The following C1GALT1 variants were observed in gnomAD, a reference collection of about 807,000 sequenced individuals.
C1GALT1 encodes glycoprotein-N-acetylgalactosamine 3-beta-galactosyltransferase 1.
Under a neutral mutation model 31.0 loss-of-function variants are expected in C1GALT1, and 11 were observed. The ratio of observed to expected loss-of-function variants is 0.36; its 90% confidence interval spans 0.22 to 0.59. C1GALT1 has a LOEUF of 0.59. C1GALT1 is among the 20% of genes least tolerant of loss of function. The probability of loss-of-function intolerance (pLI) is 0.79; values close to 1 mark genes in which losing one functional copy is unlikely to be tolerated. For missense variants in C1GALT1, 424 were observed against 425.2 expected, an observed-to-expected ratio of 1.00 and a Z score of 0.03; for synonymous variants, 175 against 143.6, an observed-to-expected ratio of 1.22 and a Z score of -1.56.
chr7:7,205,308 C>T (rs748158070), intron 1 of C1GALT1, among the ~76,000 whole-genome samples: 1 of 152,128 alleles, frequency 6.6e-6, no homozygotes, highest in Non-Finnish European at 1.5e-5. Flanking sequence ...TACTAATAGA[C>T]TGCCGCTGGA....
chr7:7,176,851 G>A (rs1040863268), intron 2 of C1GALT1, among the ~76,000 whole-genome samples: 1 of 152,122 alleles, frequency 6.6e-6, no homozygotes. Flanking sequence ...TATACAGGGT[G>A]GCATTGTCAG....
At chr7:7,181,311 G>A (rs550062435), upstream of C1GALT1, among the ~76,000 whole-genome samples, 79 of 151,492 alleles carry the variant, frequency 5.2e-4, no homozygotes, top group African/African-American at 1.6e-3. Context: ...AAGTTGGGGA[G>A]GAGTAGAGAA....
At chr7:7,209,857 G>A (rs909714856) in intron 1 of C1GALT1, among the ~76,000 whole-genome samples, 11 of 152,144 alleles carry the variant, frequency 7.2e-5, no homozygotes, top group Non-Finnish European at 5.9e-5. Context: ...GGGTGGGGCC[G>A]TTTTATAAAA....
At position 7,238,690 on chromosome 7, in the gene C1GALT1, C is replaced by G. The variant is rs753756637; in HGVS notation, c.656C>G (p.Ala219Gly). 46 of 1,613,838 alleles carry G rather than the reference C, an allele frequency of 2.9e-5. 2 individuals are homozygous for G. In the South Asian group the frequency reaches 5.1e-4, roughly 18 times the overall value. Reference sequence around the variant, plus strand: ...GCAGGATATGTACTAAGCAAAGAAGCCTTGAAAAGATTTGTTGATGCATTT... The same window carrying G: ...GCAGGATATGTACTAAGCAAAGAAGGCTTGAAAAGATTTGTTGATGCATTT... ...GGAGYVLSKEALKRFVDAFKT... is the reference protein window; with the variant it reads ...GGAGYVLSKEGLKRFVDAFKT... Residue 219 changes from alanine to glycine, a missense_variant, in exon 3 of 4, where the codon GCC becomes GGC. By Grantham distance (60) the Ala-to-Gly change is moderately conservative. Transcript: ENST00000436587. This position sits in a 1 kb window ranked among gnomAD's most constrained non-coding sequence, Gnocchi z 5.2.
chr7:7,248,169 A>G lies in C1GALT1; in HGVS notation c.*4442A>G, dbSNP rs1386943605. On this transcript the variant is annotated 3_prime_UTR_variant, in exon 4 of 4. Transcript: ENST00000436587. ...GTTGATTTTTTAAAAATGTGTTTAT[A>G]TATAAGATTTGAAATAAAAACTTTA... 1 of 152,010 alleles carries G rather than the reference A, an allele frequency of 6.6e-6. No homozygotes were observed. Among genetic ancestry groups the G allele is most frequent in the Non-Finnish European group, 1.5e-5 (1 of 67,866 alleles). 9.4% of individuals were successfully genotyped at this position (152,010 alleles called of 1,614,324 possible).
intron 2 of C1GALT1, among the ~76,000 whole-genome samples, chr7:7,158,023 A>C (rs1477756296): frequency 6.6e-6 from 1 of 152,216 alleles, no homozygotes; most frequent in Non-Finnish European, 1.5e-5. Context: ...TTGCTGTTGC[A>C]TTAACTTAGC....
At chr7:7,235,440 C>T (rs1013227437) in intron 2 of C1GALT1, 2 of 152,100 alleles carry the variant, frequency 1.3e-5, no homozygotes, top group African/African-American at 4.8e-5. Flanking sequence ...CAAAGTATGT[C>T]GTGTTTTGTG....
intron 1 of C1GALT1, among the ~76,000 whole-genome samples, chr7:7,204,942 G>T (rs963379237): frequency 3.9e-5 from 6 of 152,060 alleles, no homozygotes; most frequent in Non-Finnish European, 5.9e-5. Flanking sequence ...TTTATTTGTG[G>T]CCTAACATGG....
At chr7:7,215,298 T>G (rs201014405) in intron 1 of C1GALT1, among the ~76,000 whole-genome samples, 8 of 152,188 alleles carry the variant, frequency 5.3e-5, no homozygotes, top group Non-Finnish European at 1.2e-4. Context: ...CCAGATTGTT[T>G]ATAACTGAAG....
intron 1 of C1GALT1, among the ~76,000 whole-genome samples, chr7:7,194,934 C>T (rs1781220830): frequency 1.3e-5 from 2 of 152,020 alleles, no homozygotes; most frequent in African/African-American, 4.8e-5. Flanking sequence ...TCACCCATCT[C>T]CTCTCGATTT....
intron 1 of C1GALT1, among the ~76,000 whole-genome samples, chr7:7,218,841 T>G (rs1047908316): frequency 3.4e-4 from 52 of 151,850 alleles, no homozygotes; most frequent in Admixed American, 5.9e-4. Context: ...TTTCTATTTT[T>G]TTTTTTTTTT....
At chr7:7,197,079 C>T (rs1393562545) in intron 1 of C1GALT1, among the ~76,000 whole-genome samples, 5 of 152,174 alleles carry the variant, frequency 3.3e-5, no homozygotes, top group African/African-American at 4.8e-5. Flanking sequence ...GGCTTCTGTG[C>T]CATTGCTTTT....
chr7:7,205,291 T>A (rs1372540963), intron 1 of C1GALT1, among the ~76,000 whole-genome samples: 1 of 152,228 alleles, frequency 6.6e-6, no homozygotes, highest in African/African-American at 2.4e-5. Context: ...TTGACTTTTC[T>A]AAAGTTTACT....
Position 7,245,215 on chromosome 7 carries a change from T to C in C1GALT1, c.*1488T>C, listed in dbSNP as rs1043311334. 1.1e-4 allele frequency: 16 copies of C among 152,286 alleles called. No homozygotes were observed. Among genetic ancestry groups the C allele is most frequent in the African/African-American group, 3.4e-4 (14 of 41,480 alleles). The allele number at this position is 152,286 out of a possible 1,614,324, so 9.4% of individuals were successfully genotyped here. On this transcript the variant is annotated 3_prime_UTR_variant, in exon 4 of 4. Coordinates refer to ENST00000436587, the MANE Select transcript of C1GALT1 (RefSeq NM_020156.5). ...CAGTCATGCCACTGACTCTGCTATTTAGCTAAGTAATTTCTTTTTTCGGAG... is the reference window on the plus strand; with the variant it reads ...CAGTCATGCCACTGACTCTGCTATTCAGCTAAGTAATTTCTTTTTTCGGAG...
intron 1 of C1GALT1, among the ~76,000 whole-genome samples, chr7:7,199,229 A>G (rs557360314): frequency 1.8e-4 from 28 of 152,220 alleles, no homozygotes; most frequent in Admixed American, 1.8e-3. Context: ...AGATTCTGGT[A>G]TGTTGTGTCT....
At chr7:7,174,561 G>C (rs1351313847) in intron 2 of C1GALT1, among the ~76,000 whole-genome samples, 4 of 150,620 alleles carry the variant, frequency 2.7e-5, no homozygotes, top group African/African-American at 9.8e-5. Flanking sequence ...GGGCAACATA[G>C]TGAGAACTCA....
intron 1 of C1GALT1, among the ~76,000 whole-genome samples, chr7:7,219,449 T>C (rs1252607451): frequency 2.0e-5 from 3 of 152,088 alleles, no homozygotes. Context: ...GGGCAGAGAG[T>C]ATTGGGAAAT....
At chr7:7,234,226 A>G in intron 1 of C1GALT1, 77 bp from the exon 2 acceptor site, 2 of 1,066,186 alleles carry the variant, frequency 1.9e-6, no homozygotes. Context: ...GTTATAGCTA[A>G]ATGTTACCAG....
Position 7,238,544 on chromosome 7 carries a change from T to C in C1GALT1, c.510T>C (p.Asp170=). Residue 170 remains aspartate (D), a synonymous_variant, in exon 3 of 4, where the codon GAT becomes GAC. Coordinates refer to ENST00000436587, the MANE Select transcript of C1GALT1 (RefSeq NM_020156.5). This position sits in a 1 kb window ranked among gnomAD's most constrained non-coding sequence, Gnocchi z 5.2. The part of the protein sequence containing the change: ...EDADWFLKAD[D]DTYVILDNLR... ...CTGATTGGTTTTTGAAAGCAGATGATGACACGTATGTCATACTAGACAATT... is the reference window on the plus strand; with the variant it reads ...CTGATTGGTTTTTGAAAGCAGATGACGACACGTATGTCATACTAGACAATT... 1 of 1,614,176 alleles carries C rather than the reference T, an allele frequency of 6.2e-7. No homozygotes were observed. The highest frequency in any genetic ancestry group is 1.3e-5 in the African/African-American group (1 of 75,060).
Sources: allele counts gnomAD v4.1 joint callset (sites outside exome capture counted in the v4.1 genomes callset), GRCh38; gene constraint gnomAD v4.1.1; non-coding constraint Gnocchi (gnomAD v3.1); transcripts MANE v1.5; gene names NCBI Gene and HGNC (gene_info 2026-07-23, HGNC 2026-07-21).